RNFT2: variants seen among roughly 807,000 people sequenced by gnomAD.
RNFT2 encodes ring finger protein, transmembrane 2.
RNFT2 carries 36 observed loss-of-function variants against 53.0 expected under a neutral mutation model. The ratio of observed to expected loss-of-function variants is 0.68; its 90% CI spans 0.52 to 0.90. The LOEUF (loss-of-function observed/expected upper bound fraction) is 0.90. RNFT2 is among the 40% of genes least tolerant of loss of function. The pLI is 0.00. For synonymous variants in RNFT2, 260 were observed against 253.2 expected, an observed-to-expected ratio of 1.03 and a Z score of -0.26; for missense variants, 514 against 585.6, an observed-to-expected ratio of 0.88 and a Z score of 1.26.
At chr12:116,815,331 G>T (rs562679895) in intron 7 of RNFT2, among the ~76,000 whole-genome samples, 2 of 152,250 alleles carry the variant, frequency 1.3e-5, no homozygotes, top group East Asian at 3.9e-4. Context: ...AAACCTTGTG[G>T]CTTAAAACAA....
rs376730197 is a variant in RNFT2 at position 116,743,619 on chromosome 12, C to T, written c.83+2525C>T. Among the ~76,000 whole-genome samples, 43 of 152,210 alleles carry T rather than the reference C, an allele frequency of 2.8e-4. 2 individuals are homozygous for T. The highest frequency in any genetic ancestry group is 3.4e-3 in the Middle Eastern group (1 of 294). On this transcript the variant is annotated intron_variant, in intron 3 of 10. Transcript: ENST00000257575. ...GAGGGAACACACCTGGGGGCCTGTT[C>T]TCAGATTGGGACAGCCTCCAGCCCC... is the stretch of plus-strand genomic sequence containing the variant.
At chr12:116,819,619 A>G (rs915448861) in intron 7 of RNFT2, among the ~76,000 whole-genome samples, 1 of 152,052 alleles carries the variant, frequency 6.6e-6, no homozygotes, top group Non-Finnish European at 1.5e-5. Context: ...CCGGGTGGTG[A>G]CGTCACCGGC....
At chr12:116,839,750 A>T (rs1248582772) in intron 10 of RNFT2, among the ~76,000 whole-genome samples, 2 of 104,658 alleles carry the variant, frequency 1.9e-5, no homozygotes, top group African/African-American at 7.5e-5. Flanking sequence ...GGGTGGGTGA[A>T]TGGATAGGTG....
intron 7 of RNFT2, among the ~76,000 whole-genome samples, chr12:116,811,006 A>T (rs1006233307): frequency 6.6e-6 from 1 of 152,198 alleles, no homozygotes; most frequent in African/African-American, 2.4e-5. Flanking sequence ...AGTCAGGTGG[A>T]TCTGAGCTGG....
At chr12:116,811,534 C>T (rs927444209) in intron 7 of RNFT2, among the ~76,000 whole-genome samples, 1 of 152,148 alleles carries the variant, frequency 6.6e-6, no homozygotes, top group Non-Finnish European at 1.5e-5. Context: ...CACCACCACA[C>T]CTGGCTAATT....
intron 6 of RNFT2, among the ~76,000 whole-genome samples, chr12:116,768,264 C>A (rs1052306628): frequency 6.6e-6 from 1 of 151,980 alleles, no homozygotes; most frequent in African/African-American, 2.4e-5. Context: ...CCATGCCCAG[C>A]TAATTCTTGT....
intron 7 of RNFT2, chr12:116,782,246 C>T (rs1304617192): frequency 1.3e-5 from 2 of 151,426 alleles, no homozygotes; most frequent in African/African-American, 4.9e-5. Context: ...TGTGGTGGCT[C>T]AATGGCTCAA....
At chr12:116,802,527 C>T (rs1374018564) in intron 7 of RNFT2, among the ~76,000 whole-genome samples, 2 of 152,070 alleles carry the variant, frequency 1.3e-5, no homozygotes, top group African/African-American at 2.4e-5. Context: ...AAAAAAAGTC[C>T]GCTAAAACTG....
chr12:116,772,416 C>G (rs751008964), intron 6 of RNFT2, among the ~76,000 whole-genome samples: 2 of 152,212 alleles, frequency 1.3e-5, no homozygotes, highest in Non-Finnish European at 2.9e-5. Flanking sequence ...AAGCGATTCT[C>G]CTGCCTCAGC....
intron 7 of RNFT2, among the ~76,000 whole-genome samples, chr12:116,804,079 C>G (rs1378889325): frequency 6.6e-6 from 1 of 152,196 alleles, no homozygotes; most frequent in Middle Eastern, 3.2e-3. Flanking sequence ...TAGACGTTAC[C>G]ACTGGTTCCT....
At chr12:116,837,857 A>C (rs1365041242) in intron 10 of RNFT2, among the ~76,000 whole-genome samples, 1 of 152,194 alleles carries the variant, frequency 6.6e-6, no homozygotes, top group African/African-American at 2.4e-5. Context: ...TGAGGGGTGT[A>C]CTGGGATTTT....
intron 6 of RNFT2, among the ~76,000 whole-genome samples, chr12:116,778,093 C>T (rs1873516610): frequency 1.3e-5 from 2 of 152,258 alleles, no homozygotes; most frequent in Non-Finnish European, 2.9e-5. Flanking sequence ...TTCCTCCCTG[C>T]CTTTCCTCCC....
chr12:116,841,944 TATAAATATATATATAGAGAGAGAGAGAG>T (rs1877349153), intron 10 of RNFT2, among the ~76,000 whole-genome samples: 1 of 26,626 alleles, frequency 3.8e-5, no homozygotes, highest in Non-Finnish European at 5.7e-5. Flanking sequence ...TAAATATATA[TATAAATATATATATAGAGAGAGAGAGAG>T]AGAGAGAGAG....
At chr12:116,800,700 G>A (rs1385256404) in intron 7 of RNFT2, among the ~76,000 whole-genome samples, 2 of 151,876 alleles carry the variant, frequency 1.3e-5, no homozygotes, top group Non-Finnish European at 2.9e-5. Context: ...TGTAATCCCA[G>A]CTACTCAGGG....
At chr12:116,778,551 A>G (rs1873541736) in intron 6 of RNFT2, among the ~76,000 whole-genome samples, 1 of 152,210 alleles carries the variant, frequency 6.6e-6, no homozygotes, top group Non-Finnish European at 1.5e-5. Context: ...CCCTGGGCTA[A>G]ATAAAACTCT....
Position 116,813,148 on chromosome 12 carries a change from A to G in RNFT2, c.883-20644A>G, listed in dbSNP as rs967074958. Among the ~76,000 whole-genome samples the G allele has an allele frequency of 3.3e-5, 5 of 151,374 alleles. No individual in the cohort carries two copies. In the South Asian group the frequency reaches 8.4e-4, roughly 25 times the overall value. On this transcript the variant is annotated intron_variant, in intron 7 of 10. Transcript: ENST00000257575. ...TTTTTTTTGTATTTTTTGTAGAGAC[A>G]GGGTTTTGCCATGTTATCCAGGTTG... is the stretch of plus-strand genomic sequence containing the variant.
At chr12:116,848,289 T>C (rs1738188096) in intron 10 of RNFT2, among the ~76,000 whole-genome samples, 2 of 152,226 alleles carry the variant, frequency 1.3e-5, no homozygotes, top group Non-Finnish European at 2.9e-5. Flanking sequence ...CTATTGTGAA[T>C]AGTGCTGCAG....
In RNFT2 at chr12:116,750,174, G is replaced by A; in HGVS notation, c.417G>A (p.Glu139=). ...GTGGGGACCACCGGGGGCACTCGGAGGAGGGAGGCGACGAGCAGCCTGGGA... is the reference window on the plus strand; with the variant it reads ...GTGGGGACCACCGGGGGCACTCGGAAGAGGGAGGCGACGAGCAGCCTGGGA... ...HVGGDHRGHS[E]EGGDEQPGTP... The change falls in exon 4 of 11, where the codon GAG becomes GAA. Residue 139 remains glutamate, a synonymous_variant. Transcript: ENST00000257575. 1.3e-6 allele frequency: 2 copies of A among 1,596,012 alleles called. No individual in the cohort carries two copies. The highest frequency in any genetic ancestry group is 1.7e-6 in the Non-Finnish European group (2 of 1,176,034).
At chr12:116,847,533 T>TC (rs1036538718) in intron 10 of RNFT2, among the ~76,000 whole-genome samples, 22 of 27,756 alleles carry the variant, frequency 7.9e-4, no homozygotes, top group Non-Finnish European at 5.6e-3. Flanking sequence ...TCTCTCTCTC[T>TC]TTTTTTTTTT....
Sources: allele counts gnomAD v4.1 joint callset (sites outside exome capture counted in the v4.1 genomes callset), GRCh38; gene constraint gnomAD v4.1.1; transcripts MANE v1.5; gene names NCBI Gene and HGNC (gene_info 2026-07-23, HGNC 2026-07-21).